MVB12B: variants seen among roughly 807,000 people sequenced by gnomAD.
The protein encoded by MVB12B is multivesicular body subunit 12B.
In MVB12B, 16 loss-of-function variants were observed where a neutral mutation model predicts 41.6. The observed-to-expected ratio is 0.38, with a 90% CI of 0.26 to 0.58. The LOEUF (loss-of-function observed/expected upper bound fraction) is 0.58. MVB12B is among the 20% of genes least tolerant of loss of function. The pLI is 0.62. For synonymous variants in MVB12B, 133 were observed against 139.7 expected, an observed-to-expected ratio of 0.95 and a Z score of 0.34; for missense variants, 274 against 380.2, an observed-to-expected ratio of 0.72 and a Z score of 2.32.
intron 9 of MVB12B, among the ~76,000 whole-genome samples, chr9:126,500,052 T>G (rs1833922061): frequency 6.6e-6 from 1 of 152,030 alleles, no homozygotes; most frequent in Non-Finnish European, 1.5e-5. Context: ...CCGCTCACCA[T>G]CCAGAAAGCT....
intron 9 of MVB12B, among the ~76,000 whole-genome samples, chr9:126,487,754 G>A (rs1186357193): frequency 2.1e-5 from 3 of 143,248 alleles, no homozygotes; most frequent in East Asian, 2.1e-4. Flanking sequence ...GCCACAGGGC[G>A]AGACTCCGTC....
intron 7 of MVB12B, among the ~76,000 whole-genome samples, chr9:126,460,966 G>A (rs975839136): frequency 2.0e-5 from 3 of 152,160 alleles, no homozygotes; most frequent in Non-Finnish European, 4.4e-5. Context: ...TTTGAACAAC[G>A]TTTTGAGTCA....
chr9:126,370,843 G>A (rs1319386000), intron 2 of MVB12B, among the ~76,000 whole-genome samples: 1 of 152,072 alleles, frequency 6.6e-6, no homozygotes, highest in Non-Finnish European at 1.5e-5. Flanking sequence ...CAATTTTAGG[G>A]TAGTAAGATT....
At chr9:126,435,789 A>C (rs1832461088) in intron 7 of MVB12B, among the ~76,000 whole-genome samples, 1 of 152,108 alleles carries the variant, frequency 6.6e-6, no homozygotes, top group Non-Finnish European at 1.5e-5. Context: ...CGAAGGCCAC[A>C]GGGGCACACC....
chr9:126,376,935 T>C lies in MVB12B; in HGVS notation c.205-4129T>C. ...CCCCCGCCCCCACCCCAATGGTGTC[T>C]GGTGATTCTGGATCCTGGGGCTCTG... On this transcript the variant is annotated intron_variant, in intron 2 of 9. Coordinates refer to ENST00000361171, the MANE Select transcript of MVB12B (RefSeq NM_033446.3). This position sits in a 1 kb window ranked among gnomAD's most constrained non-coding sequence, Gnocchi z 4.1. Among the ~76,000 whole-genome samples, 1 of 150,516 alleles carries C rather than the reference T, an allele frequency of 6.6e-6. No individual in the cohort carries two copies. The highest frequency in any genetic ancestry group is 2.0e-4 in the East Asian group (1 of 5,072).
chr9:126,349,811 A>G (rs570366980), intron 2 of MVB12B, among the ~76,000 whole-genome samples: 3 of 152,238 alleles, frequency 2.0e-5, no homozygotes, highest in Admixed American at 6.5e-5. Flanking sequence ...TAAAGTTGCT[A>G]TAAATACTCA....
rs560593601 is a variant in MVB12B at position 126,380,464 on chromosome 9, C to T, written c.205-600C>T. Among the ~76,000 whole-genome samples the T allele has an allele frequency of 2.4e-4, 37 of 152,272 alleles. No homozygotes were observed. The Middle Eastern group carries it at 0.014, about 56-fold the overall frequency. On this transcript the variant is annotated intron_variant, in intron 2 of 9. Transcript: ENST00000361171. ...CTTAGTGAGACTAGAAACAAGGAAC[C>T]GAGTGAGTCTTCTTTTGTTTTTCTA... is the stretch of plus-strand genomic sequence containing the variant.
intron 2 of MVB12B, among the ~76,000 whole-genome samples, chr9:126,358,090 A>T (rs953896671): frequency 6.6e-6 from 1 of 152,150 alleles, no homozygotes; most frequent in African/African-American, 2.4e-5. Context: ...TTCTTCATTG[A>T]ATTACTTTGG....
chr9:126,502,542 C>G (rs752966193), intron 9 of MVB12B, among the ~76,000 whole-genome samples: 10 of 150,836 alleles, frequency 6.6e-5, no homozygotes, highest in East Asian at 3.9e-4. Context: ...GAAGGTCCCC[C>G]CACCGGGCAG....
chr9:126,414,821 G>GT (rs749647549), intron 6 of MVB12B, among the ~76,000 whole-genome samples: 5,094 of 147,394 alleles, frequency 0.035, 120 homozygotes, highest in Non-Finnish European at 0.055. Flanking sequence ...GACCTCTCAG[G>GT]TTTTTTTTTT....
chr9:126,463,030 G>A (rs1195341611), intron 7 of MVB12B, among the ~76,000 whole-genome samples: 4 of 152,180 alleles, frequency 2.6e-5, no homozygotes, highest in African/African-American at 7.2e-5. Flanking sequence ...ATGTCAGTTC[G>A]GCATCAGCTC....
chr9:126,344,047 TAAA>T (rs80127150), intron 2 of MVB12B, among the ~76,000 whole-genome samples: 5 of 128,780 alleles, frequency 3.9e-5, no homozygotes, highest in Admixed American at 7.8e-5. Flanking sequence ...CTTTTCTTGG[TAAA>T]AAAAAAAAAA....
chr9:126,385,648 G>A (rs1245207262), intron 3 of MVB12B, among the ~76,000 whole-genome samples: 1 of 152,218 alleles, frequency 6.6e-6, no homozygotes, highest in Non-Finnish European at 1.5e-5. Context: ...ATGGGCACGT[G>A]GAGTGCACTG....
Position 126,478,604 on chromosome 9 carries a change from G to A in MVB12B, c.758-2765G>A, listed in dbSNP as rs1473280367. ...AGGGAAGGGATGGGTAAGCCGGGAA[G>A]AGGGTCAGGTGCAAGGGGCCAGGGC... On this transcript the variant is annotated intron_variant, in intron 7 of 9. Transcript: ENST00000361171. This position sits in a 1 kb window ranked among gnomAD's most constrained non-coding sequence, Gnocchi z 4.2. 6.6e-6 allele frequency among the ~76,000 whole-genome samples: 1 copy of A among 152,190 alleles called. No homozygotes were observed. The highest frequency in any genetic ancestry group is 2.4e-5 in the African/African-American group (1 of 41,438).
Position 126,345,312 on chromosome 9 carries a change from A to G in MVB12B, c.204+4682A>G, listed in dbSNP as rs72758746. On this transcript the variant is annotated intron_variant, in intron 2 of 9. Transcript: ENST00000361171. Reference sequence around the variant, plus strand: ...AGGAGATATTTTATTCTTTTTTCTCACTCCAATTTAAGACCTCCTCCATTC... The same window carrying G: ...AGGAGATATTTTATTCTTTTTTCTCGCTCCAATTTAAGACCTCCTCCATTC... Among the ~76,000 whole-genome samples the G allele has an allele frequency of 2.6e-3, 390 of 152,026 alleles. 3 individuals are homozygous for G. The highest frequency in any genetic ancestry group is 4.0e-3 in the Non-Finnish European group (269 of 67,960).
intron 3 of MVB12B, among the ~76,000 whole-genome samples, chr9:126,385,804 G>A (rs1830771492): frequency 6.6e-6 from 1 of 152,108 alleles, no homozygotes; most frequent in Admixed American, 6.5e-5. Flanking sequence ...TAAGTTGTAG[G>A]GTAGATATCT....
Position 126,386,703 on chromosome 9 carries a change from C to T in MVB12B, c.409+45C>T. 8 of 1,380,722 alleles carry T rather than the reference C, an allele frequency of 5.8e-6. No homozygotes were observed. The highest frequency in any genetic ancestry group is 2.3e-5 in the East Asian group (1 of 43,646). 85.5% of individuals were successfully genotyped at this position (1,380,722 alleles called of 1,614,324 possible). A position where few individuals can be genotyped will look rare whatever the true frequency, so the allele number is the denominator to read the frequency against. ...CACTCATCACAATGAGCGTTTTCTT[C>T]CTCCAGGTATATTTGTAGGTGTTTT... On this transcript the variant is annotated intron_variant, in intron 4 of 9. Coordinates refer to ENST00000361171, the MANE Select transcript of MVB12B (RefSeq NM_033446.3). This position sits in a 1 kb window ranked among gnomAD's most constrained non-coding sequence, Gnocchi z 4.3.
At chr9:126,375,500 C>T (rs1830458377) in intron 2 of MVB12B, among the ~76,000 whole-genome samples, 1 of 151,878 alleles carries the variant, frequency 6.6e-6, no homozygotes, top group Non-Finnish European at 1.5e-5. Context: ...CTCCCCTCCA[C>T]ATCCCCTCCT....
At chr9:126,461,089 A>G (rs1432758527) in intron 7 of MVB12B, among the ~76,000 whole-genome samples, 2 of 152,200 alleles carry the variant, frequency 1.3e-5, no homozygotes, top group Admixed American at 6.5e-5. Context: ...TGGCAGAGCT[A>G]TTCACAGGGA....
Sources: allele counts gnomAD v4.1 joint callset (sites outside exome capture counted in the v4.1 genomes callset), GRCh38; gene constraint gnomAD v4.1.1; non-coding constraint Gnocchi (gnomAD v3.1); transcripts MANE v1.5; gene names NCBI Gene and HGNC (gene_info 2026-07-23, HGNC 2026-07-21).